SEMA6D: variants seen among roughly 807,000 people sequenced by gnomAD.
The protein encoded by SEMA6D is semaphorin-6D.
In SEMA6D, 35 loss-of-function variants were observed where a neutral mutation model predicts 106.6. The observed-to-expected ratio is 0.33, with a 90% CI of 0.25 to 0.44. The LOEUF (loss-of-function observed/expected upper bound fraction) is 0.44, where lower values mean the gene tolerates loss of function less well. Among genes scored for constraint, SEMA6D ranks in the 20% least tolerant of loss-of-function variants. The pLI, the probability that SEMA6D is intolerant of heterozygous loss-of-function variation, is 1.00. For missense variants in SEMA6D, 1,185 were observed against 1,345.9 expected, an observed-to-expected ratio of 0.88 and a Z score of 1.87; for synonymous variants, 499 against 487.7, an observed-to-expected ratio of 1.02 and a Z score of -0.31.
chr15:47,636,107 A>T (rs541830277), intron 4 of SEMA6D, among the ~76,000 whole-genome samples: 40 of 152,318 alleles, frequency 2.6e-4, no homozygotes, highest in African/African-American at 9.4e-4. Flanking sequence ...AGCAGGATTG[A>T]CTAAACCAGT....
chr15:47,699,127 A>C (rs191075273), intron 4 of SEMA6D, among the ~76,000 whole-genome samples: 102 of 152,320 alleles, frequency 6.7e-4, no homozygotes, highest in Non-Finnish European at 1.1e-3. Context: ...TAGTAAGGAC[A>C]AGAAGGGTGA....
At chr15:47,501,548 A>G (rs545290458) in intron 3 of SEMA6D, among the ~76,000 whole-genome samples, 1 of 152,310 alleles carries the variant, frequency 6.6e-6, no homozygotes, top group African/African-American at 2.4e-5. Context: ...CTTAAGGTCT[A>G]GTTCAGAAAC....
chr15:47,597,554 GT>G (rs2076561695), intron 3 of SEMA6D, among the ~76,000 whole-genome samples: 1 of 151,942 alleles, frequency 6.6e-6, no homozygotes, highest in Non-Finnish European at 1.5e-5. Context: ...AAGAAAATCT[GT>G]TTTGTGAGGC....
intron 1 of SEMA6D, among the ~76,000 whole-genome samples, chr15:47,293,397 G>A (rs1780725403): frequency 6.6e-6 from 1 of 152,156 alleles, no homozygotes; most frequent in Non-Finnish European, 1.5e-5. Context: ...CTTTACAATT[G>A]TGCGTTGTTG....
intron 1 of SEMA6D, among the ~76,000 whole-genome samples, chr15:47,738,264 T>G (rs2080573188): frequency 6.6e-6 from 1 of 152,104 alleles, no homozygotes; most frequent in Non-Finnish European, 1.5e-5. Context: ...GGTTTTCTGT[T>G]CCTGTGTTAG....
chr15:47,531,506 A>G (rs1442817012), intron 3 of SEMA6D, among the ~76,000 whole-genome samples: 2 of 152,270 alleles, frequency 1.3e-5, no homozygotes, highest in South Asian at 4.1e-4. Flanking sequence ...AGCACTTTAT[A>G]TCATTGAACA....
intron 3 of SEMA6D, among the ~76,000 whole-genome samples, chr15:47,506,593 C>T (rs1055544135): frequency 2.2e-5 from 3 of 136,786 alleles, no homozygotes; most frequent in Non-Finnish European, 3.1e-5. Context: ...CATTTACACA[C>T]ACACAAACAC....
At chr15:47,493,060 A>G (rs12442480) in intron 3 of SEMA6D, among the ~76,000 whole-genome samples, 50,217 of 152,046 alleles carry the variant, frequency 0.33, 8,587 homozygotes, top group East Asian at 0.49. Context: ...TTTCAAATCA[A>G]AAAGCTTGTC....
chr15:47,434,081 G>A (rs2041624375), intron 2 of SEMA6D, among the ~76,000 whole-genome samples: 1 of 152,074 alleles, frequency 6.6e-6, no homozygotes, highest in African/African-American at 2.4e-5. Flanking sequence ...AAATGAGAAG[G>A]CCACAATGAC....
At chr15:47,399,413 G>C (rs1007018507) in intron 1 of SEMA6D, 8 of 152,246 alleles carry the variant, frequency 5.3e-5, no homozygotes, top group African/African-American at 1.4e-4. Context: ...ACTCCACTCA[G>C]GGCTTGATAA....
Position 47,588,584 on chromosome 15 carries a change from A to G in SEMA6D, c.-86-12281A>G, listed in dbSNP as rs192698771. Among the ~76,000 whole-genome samples, 123 of 152,352 alleles carry G rather than the reference A, an allele frequency of 8.1e-4. 1 individual carries two copies. Among genetic ancestry groups the G allele is most frequent in the African/African-American group, 2.6e-3 (109 of 41,578 alleles). The stretch of plus-strand genomic sequence containing the variant: ...CCACAAATCACGAATTTGAGACTAC[A>G]GAGAGCCTCCCTTGCAGGCATTTGC... On this transcript the variant is annotated intron_variant, in intron 3 of 19. Transcript: ENST00000558014.
intron 2 of SEMA6D, among the ~76,000 whole-genome samples, chr15:47,448,293 C>T (rs1361101314): frequency 6.6e-6 from 1 of 152,110 alleles, no homozygotes; most frequent in Non-Finnish European, 1.5e-5. Context: ...GAAGAGCTGA[C>T]TATTTTCCAG....
At chr15:47,435,286 G>T (rs2140639195) in intron 2 of SEMA6D, among the ~76,000 whole-genome samples, 2 of 152,174 alleles carry the variant, frequency 1.3e-5, no homozygotes, top group Middle Eastern at 3.4e-3. Context: ...AGCCTGGTTT[G>T]TGAATCATCA....
chr15:47,309,195 A>G (rs1595698818), intron 1 of SEMA6D, among the ~76,000 whole-genome samples: 1 of 152,328 alleles, frequency 6.6e-6, no homozygotes, highest in African/African-American at 2.4e-5. Flanking sequence ...CAGTTTCCCC[A>G]TGTCAATCAC....
intron 1 of SEMA6D, chr15:47,380,507 C>A (rs2033015359): frequency 6.6e-6 from 1 of 152,194 alleles, no homozygotes; most frequent in Non-Finnish European, 1.5e-5. Context: ...TCAGAAGAAT[C>A]CACATCAATG....
At chr15:47,262,585 C>T (rs1171296328) in intron 1 of SEMA6D, among the ~76,000 whole-genome samples, 1 of 151,984 alleles carries the variant, frequency 6.6e-6, no homozygotes, top group Non-Finnish European at 1.5e-5. Flanking sequence ...CCACCTAGTC[C>T]CACTCTTGAC....
intron 4 of SEMA6D, among the ~76,000 whole-genome samples, chr15:47,649,685 G>A (rs933925945): frequency 1.3e-5 from 2 of 152,200 alleles, no homozygotes; most frequent in African/African-American, 2.4e-5. Flanking sequence ...GACGGAGAGG[G>A]AGAGAGAAAG....
chr15:47,393,875 T>A (rs1467293126), intron 1 of SEMA6D, among the ~76,000 whole-genome samples: 1 of 152,250 alleles, frequency 6.6e-6, no homozygotes, highest in African/African-American at 2.4e-5. Flanking sequence ...TAAAGCTTTG[T>A]GCTTTATCCG....
At chr15:47,442,446 T>TG (rs1159765320) in intron 2 of SEMA6D, among the ~76,000 whole-genome samples, 1 of 152,206 alleles carries the variant, frequency 6.6e-6, no homozygotes, top group East Asian at 1.9e-4. Flanking sequence ...AGCCTGCATT[T>TG]GGGGATCCTG....
Sources: gnomAD v4.1 joint callset for allele counts (sites outside exome capture counted in the v4.1 genomes callset) on GRCh38, gnomAD v4.1.1 for gene constraint, MANE v1.5 for transcripts, NCBI Gene and HGNC (gene_info 2026-07-23, HGNC 2026-07-21) for gene names.